DOCK1: variants seen among roughly 807,000 people sequenced by gnomAD.
DOCK1 encodes dedicator of cytokinesis 1.
In DOCK1, 138 loss-of-function variants were observed where a neutral mutation model predicts 262.7. The observed-to-expected ratio is 0.53, with a 90% CI of 0.46 to 0.61. The LOEUF is 0.61. Ranked by LOEUF, DOCK1 falls within the 20% of genes least tolerant of loss-of-function variation. DOCK1 has a pLI of 0.00. For missense variants in DOCK1, 1,908 were observed against 2,370.7 expected, an observed-to-expected ratio of 0.80 and a Z score of 4.05; for synonymous variants, 866 against 867.4, an observed-to-expected ratio of 1.00 and a Z score of 0.03.
At chr10:127,019,784 G>A (rs964105261) in intron 13 of DOCK1, among the ~76,000 whole-genome samples, 1 of 152,116 alleles carries the variant, frequency 6.6e-6, no homozygotes, top group Admixed American at 6.5e-5. Context: ...GAGGCTCTTG[G>A]AAGCCCACAA....
intron 49 of DOCK1, among the ~76,000 whole-genome samples, chr10:127,441,999 C>G (rs1165671030): frequency 6.6e-6 from 1 of 152,142 alleles, no homozygotes; most frequent in Non-Finnish European, 1.5e-5. Flanking sequence ...CCAGCACATT[C>G]ACCTTCAGAG....
chr10:126,921,912 A>G (rs1375080736), intron 1 of DOCK1, among the ~76,000 whole-genome samples: 4 of 152,008 alleles, frequency 2.6e-5, no homozygotes, highest in Non-Finnish European at 5.9e-5. Flanking sequence ...TAGGTAATTT[A>G]TAAGAAAAGA....
intron 29 of DOCK1, among the ~76,000 whole-genome samples, chr10:127,270,587 G>C (rs1195149032): frequency 6.6e-6 from 1 of 150,552 alleles, no homozygotes; most frequent in Non-Finnish European, 1.5e-5. Flanking sequence ...CCTTGCCTGT[G>C]TGTGGCGTGG....
intron 23 of DOCK1, among the ~76,000 whole-genome samples, chr10:127,068,373 G>A (rs1157758469): frequency 6.6e-6 from 1 of 152,194 alleles, no homozygotes; most frequent in East Asian, 1.9e-4. Flanking sequence ...AGATCAGATG[G>A]AATAGGATTT....
intron 42 of DOCK1, 114 bp from the exon 43 acceptor site, chr10:127,410,726 G>A (rs1168357445): frequency 2.2e-6 from 2 of 919,252 alleles, no homozygotes; most frequent in Non-Finnish European, 3.3e-6. Flanking sequence ...TCAGGTCAAG[G>A]TTAGGGACAT....
intron 25 of DOCK1, among the ~76,000 whole-genome samples, chr10:127,122,179 C>T (rs1271982881): frequency 1.3e-5 from 2 of 152,192 alleles, no homozygotes; most frequent in Non-Finnish European, 2.9e-5. Context: ...AGCTTCGGTC[C>T]TCCCACCCTC....
intron 29 of DOCK1, chr10:127,272,133 T>C (rs1474830219): frequency 3.3e-5 from 5 of 152,244 alleles, no homozygotes; most frequent in African/African-American, 9.6e-5. Flanking sequence ...TTTTACTTAA[T>C]ACTGTACCTG....
intron 1 of DOCK1, among the ~76,000 whole-genome samples, chr10:126,938,504 T>C (rs1227490741): frequency 1.3e-5 from 2 of 152,254 alleles, no homozygotes; most frequent in African/African-American, 4.8e-5. Context: ...TCTATTGGTC[T>C]CTGTATATCT....
intron 31 of DOCK1, among the ~76,000 whole-genome samples, 186 bp downstream of exon 31, chr10:127,343,932 G>T (rs2063528480): frequency 6.6e-6 from 1 of 152,172 alleles, no homozygotes; most frequent in African/African-American, 2.4e-5. Flanking sequence ...TAAAATTGCA[G>T]GACTCATCCT....
At chr10:127,303,674 C>T (rs1397133964) in intron 29 of DOCK1, among the ~76,000 whole-genome samples, 1 of 116,582 alleles carries the variant, frequency 8.6e-6, no homozygotes, top group Non-Finnish European at 1.8e-5. Flanking sequence ...GCTTGGGCAG[C>T]ATAGTGAGAC....
chr10:127,302,035 C>T (rs2061699286), intron 29 of DOCK1, among the ~76,000 whole-genome samples: 1 of 151,966 alleles, frequency 6.6e-6, no homozygotes, highest in African/African-American at 2.4e-5. Context: ...TTGCAGTGGC[C>T]CTGTGGGTTT....
chr10:127,284,522 A>G (rs2061077298), intron 29 of DOCK1, among the ~76,000 whole-genome samples: 1 of 152,338 alleles, frequency 6.6e-6, no homozygotes, highest in South Asian at 2.1e-4. Context: ...TTCATAGTTT[A>G]AAAGTGGTTC....
At chr10:127,360,865 G>C (rs2064385994) in intron 32 of DOCK1, among the ~76,000 whole-genome samples, 1 of 152,064 alleles carries the variant, frequency 6.6e-6, no homozygotes, top group African/African-American at 2.4e-5. Context: ...AACAGCTTTG[G>C]GTACAGCCCA....
intron 1 of DOCK1, among the ~76,000 whole-genome samples, chr10:126,960,808 A>G (rs1302247247): frequency 3.4e-5 from 5 of 145,126 alleles, no homozygotes; most frequent in Admixed American, 7.0e-5. Flanking sequence ...ACACACACAC[A>G]CATAGATATA....
intron 38 of DOCK1, among the ~76,000 whole-genome samples, chr10:127,392,201 G>C (rs1480320256): frequency 6.6e-6 from 1 of 151,116 alleles, no homozygotes; most frequent in East Asian, 1.9e-4. Context: ...GTGGCTTTTG[G>C]AGTTCACCGG....
At chr10:127,232,086 C>A (rs2058863697) in intron 27 of DOCK1, among the ~76,000 whole-genome samples, 1 of 151,646 alleles carries the variant, frequency 6.6e-6, no homozygotes, top group Non-Finnish European at 1.5e-5. Flanking sequence ...AGGTGGTCAG[C>A]TGGCAGAGAA....
intron 23 of DOCK1, among the ~76,000 whole-genome samples, chr10:127,093,218 C>CTTTCTTTCTTTCT (rs1554883888): frequency 2.2e-5 from 1 of 44,506 alleles, no homozygotes; most frequent in Admixed American, 1.9e-4. Flanking sequence ...TTCTTTCTTT[C>CTTTCTTTCTTTCT]TTTTCTTTCT....
chr10:127,145,347 C>A, intron 27 of DOCK1, among the ~76,000 whole-genome samples: 1 of 152,318 alleles, frequency 6.6e-6, no homozygotes, highest in African/African-American at 2.4e-5. Context: ...GTCTATGAAG[C>A]ATATCTTATG....
At chr10:127,376,136 G>A (rs2065474981) in intron 35 of DOCK1, among the ~76,000 whole-genome samples, 1 of 152,210 alleles carries the variant, frequency 6.6e-6, no homozygotes. Context: ...CATCAGACCT[G>A]CAATTTAAAA....
Sources: allele counts gnomAD v4.1 joint callset (sites outside exome capture counted in the v4.1 genomes callset), GRCh38; gene constraint gnomAD v4.1.1; transcripts MANE v1.5; gene names NCBI Gene and HGNC (gene_info 2026-07-23, HGNC 2026-07-21).